The following SPOCK1 variants were observed in gnomAD, a reference collection of about 807,000 sequenced individuals.
The protein encoded by SPOCK1 is SPARC (osteonectin), cwcv and kazal like domains proteoglycan 1, also known as testican-1.
In SPOCK1, 23 loss-of-function variants were observed where a neutral mutation model predicts 55.3. That is an observed-to-expected ratio of 0.42 (90% CI 0.30 to 0.59). SPOCK1 has a LOEUF of 0.59. Ranked by LOEUF, SPOCK1 falls within the 20% of genes least tolerant of loss-of-function variation. The pLI is 0.22. For synonymous variants in SPOCK1, 226 were observed against 221.0 expected (o/e 1.02, Z -0.20); for missense variants, 499 against 552.5 (o/e 0.90, Z 0.97).
intron 2 of SPOCK1, among the ~76,000 whole-genome samples, chr5:137,382,547 G>T (rs1225563593): frequency 2.0e-5 from 3 of 152,142 alleles, no homozygotes; most frequent in Non-Finnish European, 4.4e-5. Flanking sequence ...AGCATGACTG[G>T]GAGGCCTCAG....
chr5:137,264,262 C>T (rs971908955), intron 3 of SPOCK1, among the ~76,000 whole-genome samples: 4 of 152,140 alleles, frequency 2.6e-5, no homozygotes, highest in African/African-American at 9.7e-5. Flanking sequence ...CTGTTGTCAC[C>T]AAACCAAATT....
chr5:137,234,045 T>C (rs201557945), intron 3 of SPOCK1, among the ~76,000 whole-genome samples: 1 of 152,248 alleles, frequency 6.6e-6, no homozygotes, highest in East Asian at 1.9e-4. Flanking sequence ...CTGAGGTCCA[T>C]GAGGATGAGA....
At chr5:137,368,116 A>T (rs1662543755) in intron 2 of SPOCK1, among the ~76,000 whole-genome samples, 1 of 152,200 alleles carries the variant, frequency 6.6e-6, no homozygotes, top group Non-Finnish European at 1.5e-5. Flanking sequence ...ATCCAACCAC[A>T]TTCCCCCTCA....
chr5:137,067,792 C>T lies in SPOCK1; in HGVS notation c.512G>A (p.Ser171Asn), dbSNP rs143370316. The T allele has an allele frequency of 1.2e-6, 2 of 1,614,140 alleles. No individual in the cohort carries two copies. Among genetic ancestry groups the T allele is most frequent in the African/African-American group, 1.3e-5 (1 of 75,034 alleles). ...LEFHACSTGK[S>N]LATLCDGPCP... is the part of the protein sequence containing the mutation. Reference sequence around the variant, plus strand: ...GGGCCCATCACAGAGGGTGGCGAGGCTTTTGCCAGTAGAACAAGCATGGAA... The same window carrying T: ...GGGCCCATCACAGAGGGTGGCGAGGTTTTTGCCAGTAGAACAAGCATGGAA... The change falls in exon 6 of 11, where the codon AGC (serine) becomes AAC (asparagine). Residue 171 changes from serine to asparagine, a missense_variant. This residue lies in a region of SPOCK1 where 386 missense variants were observed against 400.6 expected (regional missense o/e 0.96). Coordinates refer to ENST00000394945, the MANE Select transcript of SPOCK1 (RefSeq NM_004598.4).
At chr5:137,074,831 A>C (rs940768758) in intron 5 of SPOCK1, among the ~76,000 whole-genome samples, 4 of 152,080 alleles carry the variant, frequency 2.6e-5, no homozygotes, top group Admixed American at 6.5e-5. Flanking sequence ...CAGCCTCCCG[A>C]GTAGCTGGGA....
chr5:137,041,112 G>A (rs1477641249), intron 6 of SPOCK1, among the ~76,000 whole-genome samples: 1 of 152,074 alleles, frequency 6.6e-6, no homozygotes, highest in Non-Finnish European at 1.5e-5. Flanking sequence ...TTACTATAAG[G>A]TTACAATAAT....
At chr5:137,169,715 T>G (rs566378826) in intron 3 of SPOCK1, among the ~76,000 whole-genome samples, 15 of 152,208 alleles carry the variant, frequency 9.9e-5, no homozygotes, top group Non-Finnish European at 2.1e-4. Flanking sequence ...GATTATCTCA[T>G]TTAGTCCTCA....
rs147127754 is a variant in SPOCK1 at position 137,019,583 on chromosome 5, G to A, written c.590-26983C>T. 1.7e-3 allele frequency among the ~76,000 whole-genome samples: 257 copies of A among 152,134 alleles called. 4 individuals carry two copies. Among genetic ancestry groups the A allele is most frequent in the Non-Finnish European group, 5.2e-4 (35 of 67,928 alleles). ...CATAAACAATGCGGTAAACATCATC[G>A]TTGTGCCTCAATCTTTTCTGAATTT... is the stretch of plus-strand genomic sequence containing the variant. On this transcript the variant is annotated intron_variant, in intron 6 of 10. Coordinates refer to ENST00000394945, the MANE Select transcript of SPOCK1 (RefSeq NM_004598.4).
chr5:137,169,870 C>A (rs535292496), intron 3 of SPOCK1, among the ~76,000 whole-genome samples: 32 of 152,200 alleles, frequency 2.1e-4, no homozygotes, highest in Non-Finnish European at 4.3e-4. Context: ...TCCAAAATCT[C>A]TTGTCTTTCT....
chr5:137,351,127 C>G (rs1750670448), intron 2 of SPOCK1, among the ~76,000 whole-genome samples: 1 of 152,168 alleles, frequency 6.6e-6, no homozygotes, highest in Non-Finnish European at 1.5e-5. Flanking sequence ...GATAGCCCAA[C>G]AGCCAGAAGA....
chr5:137,486,074 ACAG>A (rs902341937), intron 2 of SPOCK1, among the ~76,000 whole-genome samples: 4 of 152,184 alleles, frequency 2.6e-5, no homozygotes, highest in African/African-American at 9.7e-5. Flanking sequence ...TCCATTTACT[ACAG>A]CCCTCGACCA....
intron 5 of SPOCK1, among the ~76,000 whole-genome samples, chr5:137,071,310 T>C (rs1752612272): frequency 6.6e-6 from 1 of 152,158 alleles, no homozygotes; most frequent in African/African-American, 2.4e-5. Context: ...CCATTTTTTA[T>C]AAAGCTTAAA....
At chr5:137,142,965 A>G (rs931201212) in intron 3 of SPOCK1, among the ~76,000 whole-genome samples, 2 of 152,096 alleles carry the variant, frequency 1.3e-5, no homozygotes, top group African/African-American at 4.8e-5. Context: ...ACTAATGATG[A>G]AAGTTTCTCA....
At chr5:137,203,052 G>T (rs903707224) in intron 3 of SPOCK1, among the ~76,000 whole-genome samples, 1 of 152,126 alleles carries the variant, frequency 6.6e-6, no homozygotes, top group Non-Finnish European at 1.5e-5. Context: ...AACAAATGAT[G>T]ATAGTTCAGC....
chr5:137,175,939 T>C (rs1311569189), intron 3 of SPOCK1, among the ~76,000 whole-genome samples: 1 of 152,272 alleles, frequency 6.6e-6, no homozygotes, highest in Middle Eastern at 3.4e-3. Context: ...CAATAAAAAT[T>C]TATCTGCAAT....
chr5:136,975,707 G>T lies in SPOCK1; in HGVS notation c.*2947C>A, dbSNP rs1377542106. The T allele has an allele frequency of 6.6e-6, 1 of 152,226 alleles. No individual in the cohort carries two copies. Among genetic ancestry groups the T allele is most frequent in the East Asian group, 1.9e-4 (1 of 5,200 alleles). 9.4% of individuals were successfully genotyped at this position (152,226 alleles called of 1,614,324 possible). On this transcript the variant is annotated 3_prime_UTR_variant, in exon 11 of 11. Coordinates refer to ENST00000394945, the MANE Select transcript of SPOCK1 (RefSeq NM_004598.4). ...GACAGACACGTTGTCATTTGCTGCTGTGGGTAGGAAAATGGGCGTAAAGGA... is the reference window on the plus strand; with the variant it reads ...GACAGACACGTTGTCATTTGCTGCTTTGGGTAGGAAAATGGGCGTAAAGGA...
At chr5:137,352,934 T>C (rs1389378463) in intron 2 of SPOCK1, among the ~76,000 whole-genome samples, 1 of 152,224 alleles carries the variant, frequency 6.6e-6, no homozygotes, top group African/African-American at 2.4e-5. Context: ...CATACAATTA[T>C]TTTCTATATT....
In SPOCK1 at chr5:137,498,156, G is replaced by A. The variant is rs140328315; in HGVS notation, c.186+217C>T. 3.8e-3 allele frequency among the ~76,000 whole-genome samples: 578 copies of A among 152,230 alleles called. 6 individuals are homozygous for A. The highest frequency in any genetic ancestry group is 0.013 in the African/African-American group (536 of 41,548). ...CACCTGGGCCACAGGTAACAGGCAAGCGCATGGAGCCTTCGAAGTTCTCTT... is the reference window on the plus strand; with the variant it reads ...CACCTGGGCCACAGGTAACAGGCAAACGCATGGAGCCTTCGAAGTTCTCTT... On this transcript the variant is annotated intron_variant, in intron 2 of 10. Coordinates refer to ENST00000394945, the MANE Select transcript of SPOCK1 (RefSeq NM_004598.4).
At chr5:137,426,409 G>T (rs1105716) in intron 2 of SPOCK1, among the ~76,000 whole-genome samples, 46 of 152,174 alleles carry the variant, frequency 3.0e-4, no homozygotes, top group African/African-American at 8.9e-4. Context: ...ACTCAGGTAC[G>T]GTATACTCTT....
Sources: allele counts gnomAD v4.1 joint callset (sites outside exome capture counted in the v4.1 genomes callset), GRCh38; gene constraint gnomAD v4.1.1; regional missense constraint gnomAD v4.1.1; transcripts MANE v1.5; gene names NCBI Gene and HGNC (gene_info 2026-07-23, HGNC 2026-07-21).